Variants in PLCH1 observed in about 807,000 individuals in gnomAD.
PLCH1 encodes the protein phospholipase C eta 1.
Under a neutral mutation model 126.7 loss-of-function variants are expected in PLCH1, and 60 were observed. The observed-to-expected ratio is 0.47, with a 90% CI of 0.38 to 0.59. The LOEUF (loss-of-function observed/expected upper bound fraction) is 0.59. PLCH1 is among the 20% of genes least tolerant of loss of function. PLCH1 has a pLI of 0.00. For missense variants in PLCH1, 1,723 were observed against 2,040.0 expected, an observed-to-expected ratio of 0.84 and a Z score of 2.99; for synonymous variants, 719 against 734.9, an observed-to-expected ratio of 0.98 and a Z score of 0.35.
chr3:155,640,054 TTACCCATTCTCAGG>T (rs1170929985), intron 2 of PLCH1, among the ~76,000 whole-genome samples: 1 of 152,200 alleles, frequency 6.6e-6, no homozygotes, highest in Non-Finnish European at 1.5e-5. Flanking sequence ...TCTTTATAAA[TTACCCATTCTCAGG>T]TACTCCTTTA....
chr3:155,673,843 A>T (rs533710798), intron 2 of PLCH1, among the ~76,000 whole-genome samples: 41 of 152,346 alleles, frequency 2.7e-4, no homozygotes, highest in African/African-American at 8.2e-4. Flanking sequence ...AATTAGTAGC[A>T]GATGGTACCA....
Position 155,480,749 on chromosome 3 carries a change from AC to A in PLCH1, c.*218del. On this transcript the variant is annotated 3_prime_UTR_variant, in exon 23 of 23. Coordinates refer to ENST00000460012, the MANE Select transcript of PLCH1 (RefSeq NM_014996.4). ...ATATTTCATACTGATACAGTTTACA[AC>A]AACTCAAGGGAGAAAGATCATAATA... 1 of 525,138 alleles carries A rather than the reference AC, an allele frequency of 1.9e-6. No homozygotes were observed. Among genetic ancestry groups the A allele is most frequent in the Non-Finnish European group, 3.4e-6 (1 of 296,952 alleles). The allele number at this position is 525,138 out of a possible 1,614,324, so 32.5% of individuals were successfully genotyped here.
intron 2 of PLCH1, among the ~76,000 whole-genome samples, chr3:155,656,716 G>A (rs1358413110): frequency 6.6e-6 from 1 of 152,032 alleles, no homozygotes; most frequent in Non-Finnish European, 1.5e-5. Context: ...AAACACCAGA[G>A]GCATTCAACT....
intron 1 of PLCH1, among the ~76,000 whole-genome samples, chr3:155,720,517 T>C (rs962896212): frequency 1.3e-5 from 2 of 152,246 alleles, no homozygotes; most frequent in Admixed American, 6.5e-5. Context: ...TTGTATATCT[T>C]CTTTTGAGAA....
chr3:155,486,686 G>A (rs911034143), intron 21 of PLCH1, among the ~76,000 whole-genome samples: 1 of 151,550 alleles, frequency 6.6e-6, no homozygotes, highest in Non-Finnish European at 1.5e-5. Context: ...CACCGCGCCC[G>A]GCTAATTTTT....
At position 155,568,291 on chromosome 3, in the gene PLCH1, T is replaced by C. The variant is rs777803343; in HGVS notation, c.805A>G (p.Ile269Val). The change falls in exon 7 of 23, where the codon ATC (isoleucine) becomes GTC (valine). Residue 269 changes from isoleucine to valine, a missense_variant. By Grantham distance (29) the Ile-to-Val change is conservative. Coordinates refer to ENST00000460012, the MANE Select transcript of PLCH1 (RefSeq NM_014996.4). ...TCTGAAACTTCAAACTTCTTTATGA[T>C]GTCAAGACAATAGTCCGTTGTCACA... ...NNVTTDYCLD[I>V]IKKFEVSEEN... The C allele has an allele frequency of 1.4e-5, 21 of 1,548,926 alleles. No individual in the cohort carries two copies. The highest frequency in any genetic ancestry group is 1.8e-6 in the Non-Finnish European group (2 of 1,122,482).
intron 12 of PLCH1, among the ~76,000 whole-genome samples, chr3:155,506,345 CTTTTT>C (rs57746252): frequency 7.7e-6 from 1 of 130,704 alleles, no homozygotes. Flanking sequence ...TTCTCACTCT[CTTTTT>C]TTTTTTTTTT....
rs763593943 is a variant in PLCH1, at chr3:155,494,344, G to A, written c.2068C>T (p.Gln690Ter). Residue 690 changes from glutamine (Q) to a stop codon, truncating the protein, a stop_gained, in exon 16 of 23, where the codon CAG becomes TAG. Coordinates refer to ENST00000460012, the MANE Select transcript of PLCH1 (RefSeq NM_014996.4). LOFTEE classifies it high-confidence loss of function. ...CTTCCCAAGGAATACACACCTAGCT[G>A]GCAGCCTGCGTTCCAGTAGGGGAGA... ...NPLPYWNAGC[Q>*]LVALNYQSEG... 1 of 1,613,982 alleles carries A rather than the reference G, an allele frequency of 6.2e-7. No homozygotes were observed. Among genetic ancestry groups the A allele is most frequent in the Non-Finnish European group, 8.5e-7 (1 of 1,179,898 alleles).
At chr3:155,734,710 CTTTTT>C (rs1226347081) in intron 1 of PLCH1, among the ~76,000 whole-genome samples, 1 of 135,528 alleles carries the variant, frequency 7.4e-6, no homozygotes. Context: ...TTTTCTTTTT[CTTTTT>C]TTTTTTTTTT....
At chr3:155,626,886 T>C (rs1737375736) in intron 2 of PLCH1, among the ~76,000 whole-genome samples, 1 of 143,138 alleles carries the variant, frequency 7.0e-6, no homozygotes, top group Non-Finnish European at 1.5e-5. Flanking sequence ...TCTACAAGAA[T>C]ATCTAATAAA....
In PLCH1 at chr3:155,480,708, C is replaced by T. The variant is rs1269415537; in HGVS notation, c.*260G>A. On this transcript the variant is annotated 3_prime_UTR_variant, in exon 23 of 23. Coordinates refer to ENST00000460012, the MANE Select transcript of PLCH1 (RefSeq NM_014996.4). The stretch of plus-strand genomic sequence containing the variant: ...TAACCCGAGCTGCTGAGGAGTTTCA[C>T]ATCTAGGGCATGCACATATTTCATA... 2 of 401,288 alleles carry T rather than the reference C, an allele frequency of 5.0e-6. No homozygotes were observed. Among genetic ancestry groups the T allele is most frequent in the South Asian group, 4.3e-5 (1 of 23,260 alleles). 24.9% of individuals were successfully genotyped at this position (401,288 alleles called of 1,614,324 possible).
At chr3:155,469,518 C>G (rs1352663002) in intron 21 of PLCH1, among the ~76,000 whole-genome samples, 1 of 152,234 alleles carries the variant, frequency 6.6e-6, no homozygotes, top group African/African-American at 2.4e-5. Flanking sequence ...CGCCATTGCC[C>G]AGGCTTGCTT....
At chr3:155,680,788 A>G (rs1744452751) in intron 2 of PLCH1, among the ~76,000 whole-genome samples, 1 of 152,270 alleles carries the variant, frequency 6.6e-6, no homozygotes, top group Admixed American at 6.5e-5. Context: ...AACATTTGTT[A>G]TAATAATTAA....
intron 6 of PLCH1, among the ~76,000 whole-genome samples, chr3:155,574,419 G>T (rs192268578): frequency 9.9e-5 from 15 of 152,264 alleles, no homozygotes; most frequent in Admixed American, 9.8e-4. Context: ...CTTCCCCTGG[G>T]CAAATGGAGT....
intron 10 of PLCH1, among the ~76,000 whole-genome samples, chr3:155,535,332 G>A (rs1323592723): frequency 2.0e-5 from 3 of 152,210 alleles, no homozygotes; most frequent in Non-Finnish European, 4.4e-5. Context: ...GGCCATGGCA[G>A]GTGGGGAGAG....
At chr3:155,640,162 G>A (rs1275862150) in intron 2 of PLCH1, among the ~76,000 whole-genome samples, 5 of 152,218 alleles carry the variant, frequency 3.3e-5, no homozygotes, top group Non-Finnish European at 7.3e-5. Flanking sequence ...GAGCTACAGG[G>A]TGGCCATTTC....
chr3:155,564,463 G>T (rs1728045357), intron 8 of PLCH1, among the ~76,000 whole-genome samples: 1 of 152,124 alleles, frequency 6.6e-6, no homozygotes, highest in Non-Finnish European at 1.5e-5. Context: ...TACTTGGGAG[G>T]CTGAGGAAGG....
intron 7 of PLCH1, among the ~76,000 whole-genome samples, chr3:155,567,713 T>G (rs1334501101): frequency 6.6e-6 from 1 of 152,206 alleles, no homozygotes; most frequent in Non-Finnish European, 1.5e-5. Flanking sequence ...GGTATATAAC[T>G]GTGGGCAAAT....
At chr3:155,611,884 A>G (rs907804892) in intron 2 of PLCH1, among the ~76,000 whole-genome samples, 4 of 152,250 alleles carry the variant, frequency 2.6e-5, no homozygotes. Flanking sequence ...ATACAAATAC[A>G]TAGAAATTAA....
Sources: gnomAD v4.1 joint callset for allele counts (sites outside exome capture counted in the v4.1 genomes callset) on GRCh38, gnomAD v4.1.1 for gene constraint, MANE v1.5 for transcripts, NCBI Gene and HGNC (gene_info 2026-07-23, HGNC 2026-07-21) for gene names.